ZNF407: variants seen among roughly 807,000 people sequenced by gnomAD.
ZNF407 encodes zinc finger protein 407.
Under a neutral mutation model 131.2 loss-of-function variants are expected in ZNF407, and 17 were observed. The observed-to-expected ratio is 0.13, with a 90% confidence interval of 0.09 to 0.19. ZNF407 has a LOEUF of 0.19. Ranked by LOEUF, ZNF407 falls within the 10% of genes least tolerant of loss-of-function variation. ZNF407 has a pLI of 1.00. For missense variants in ZNF407, 2,681 were observed against 2,830.6 expected (o/e 0.95, Z 1.20); for synonymous variants, 1,156 against 1,062.0 (o/e 1.09, Z -1.72).
At chr18:74,668,120 A>G (rs1041317164) in intron 3 of ZNF407, among the ~76,000 whole-genome samples, 7 of 152,210 alleles carry the variant, frequency 4.6e-5, no homozygotes, top group African/African-American at 1.7e-4. Context: ...AAGGTTTCTG[A>G]GTGCCAATAT....
chr18:74,746,503 C>T (rs1046214309), intron 3 of ZNF407, among the ~76,000 whole-genome samples: 5 of 151,954 alleles, frequency 3.3e-5, no homozygotes, highest in African/African-American at 1.2e-4. Context: ...AATGTATTTT[C>T]TTATATCCAT....
chr18:74,927,379 G>T (rs545720838), intron 8 of ZNF407, among the ~76,000 whole-genome samples: 1 of 152,152 alleles, frequency 6.6e-6, no homozygotes, highest in Non-Finnish European at 1.5e-5. Context: ...AGCTTTAAGA[G>T]TTCAAATAAT....
intron 3 of ZNF407, among the ~76,000 whole-genome samples, chr18:74,731,462 C>A (rs1356781070): frequency 6.6e-6 from 1 of 152,064 alleles, no homozygotes; most frequent in Non-Finnish European, 1.5e-5. Flanking sequence ...AAAAAGTGAA[C>A]AAAAACAATT....
chr18:74,789,197 A>G (rs1969778530), intron 4 of ZNF407, among the ~76,000 whole-genome samples: 1 of 152,106 alleles, frequency 6.6e-6, no homozygotes, highest in Non-Finnish European at 1.5e-5. Context: ...GAGAGGTACT[A>G]CTTTAGGATG....
chr18:74,957,002 C>T (rs1424939834), intron 8 of ZNF407, among the ~76,000 whole-genome samples: 2 of 152,144 alleles, frequency 1.3e-5, no homozygotes, highest in Non-Finnish European at 2.9e-5. Flanking sequence ...AGAAAAGCTA[C>T]TTGTGAAGCC....
Position 75,063,983 on chromosome 18 carries a change from G to T in ZNF407, c.6262G>T (p.Val2088Leu). The T allele has an allele frequency of 1.7e-5, 27 of 1,613,306 alleles. No individual in the cohort carries two copies. Among genetic ancestry groups the T allele is most frequent in the Non-Finnish European group, 2.2e-5 (26 of 1,179,736 alleles). ...GGTCCAGGGCGTCCTCCAGTTTGCTGTGTGTGACACGGCCGCGGCCGGCCA... is the reference window on the plus strand; with the variant it reads ...GGTCCAGGGCGTCCTCCAGTTTGCTTTGTGTGACACGGCCGCGGCCGGCCA... ...KMVQGVLQFAVCDTAAAGQLV... is the reference protein window; with the variant it reads ...KMVQGVLQFALCDTAAAGQLV... Residue 2088 changes from valine to leucine, a missense_variant, in exon 9 of 9, where the codon GTG becomes TTG. Around this residue, in one of 6 missense-constraint regions of ZNF407, gnomAD observed 620 missense variants for 583.1 expected, o/e 1.06. Transcript: ENST00000299687. This position sits in a 1 kb window ranked among gnomAD's most constrained non-coding sequence, Gnocchi z 6.6.
At chr18:74,821,494 C>A (rs1394268612) in intron 4 of ZNF407, among the ~76,000 whole-genome samples, 1 of 151,642 alleles carries the variant, frequency 6.6e-6, no homozygotes, top group Admixed American at 6.6e-5. Context: ...TTGTTCAACT[C>A]CCACTTATGA....
At position 74,988,179 on chromosome 18, in the gene ZNF407, A is replaced by T. The variant is rs564341639; in HGVS notation, c.5428+67487A>T. On this transcript the variant is annotated intron_variant, in intron 8 of 8. Coordinates refer to ENST00000299687, the MANE Select transcript of ZNF407 (RefSeq NM_017757.3). ...CAAGGAGGAAGGAATGATCTTTTTAATTAACGGTTCTGAAATATTATATAT... is the reference window on the plus strand; with the variant it reads ...CAAGGAGGAAGGAATGATCTTTTTATTTAACGGTTCTGAAATATTATATAT... Among the ~76,000 whole-genome samples the T allele has an allele frequency of 4.6e-5, 7 of 152,360 alleles. No individual in the cohort carries two copies. The East Asian group carries it at 1.3e-3, about 29-fold the overall frequency.
At chr18:74,969,653 C>A (rs1272464453) in intron 8 of ZNF407, among the ~76,000 whole-genome samples, 1 of 152,152 alleles carries the variant, frequency 6.6e-6, no homozygotes, top group Non-Finnish European at 1.5e-5. Flanking sequence ...ACCTGGCCAC[C>A]TTCGTGTCAC....
chr18:74,709,918 A>G (rs1023925049), intron 3 of ZNF407, among the ~76,000 whole-genome samples: 7 of 152,238 alleles, frequency 4.6e-5, no homozygotes, highest in African/African-American at 7.2e-5. Flanking sequence ...AAGTTTTTAC[A>G]TTATATTACA....
intron 8 of ZNF407, among the ~76,000 whole-genome samples, chr18:74,989,150 T>TAAC (rs1189329722): frequency 6.6e-6 from 1 of 152,196 alleles, no homozygotes; most frequent in African/African-American, 2.4e-5. Context: ...AGGCCTGAAC[T>TAAC]AACAACATGG....
intron 4 of ZNF407, among the ~76,000 whole-genome samples, chr18:74,860,209 A>G (rs1970917822): frequency 6.6e-6 from 1 of 152,022 alleles, no homozygotes; most frequent in South Asian, 2.1e-4. Flanking sequence ...CAGAAGGAGG[A>G]TCCCTTGAGC....
At chr18:74,776,309 ATGTC>A (rs1461184061) in intron 3 of ZNF407, among the ~76,000 whole-genome samples, 1 of 152,174 alleles carries the variant, frequency 6.6e-6, no homozygotes, top group Non-Finnish European at 1.5e-5. Context: ...TAAGCAATAA[ATGTC>A]TGTTCTTTAT....
intron 4 of ZNF407, among the ~76,000 whole-genome samples, chr18:74,812,636 T>C (rs1251368682): frequency 1.3e-5 from 2 of 151,944 alleles, no homozygotes; most frequent in Non-Finnish European, 2.9e-5. Context: ...AATGTAGGGG[T>C]TGTTGTTTTT....
chr18:74,940,766 T>C (rs1323839804), intron 8 of ZNF407, among the ~76,000 whole-genome samples: 1 of 152,180 alleles, frequency 6.6e-6, no homozygotes, highest in Non-Finnish European at 1.5e-5. Flanking sequence ...GGCGCACAGC[T>C]TGGTGAAGCG....
intron 1 of ZNF407, among the ~76,000 whole-genome samples, chr18:74,598,786 G>A (rs2144595872): frequency 6.6e-6 from 1 of 152,384 alleles, no homozygotes; most frequent in South Asian, 2.1e-4. Flanking sequence ...AGCACGCCCT[G>A]GGTGCTTGGC....
chr18:74,649,417 T>C (rs958590039), intron 3 of ZNF407, among the ~76,000 whole-genome samples: 6 of 152,222 alleles, frequency 3.9e-5, no homozygotes, highest in African/African-American at 1.2e-4. Flanking sequence ...CTGGTAATTA[T>C]CATTATAATA....
intron 3 of ZNF407, among the ~76,000 whole-genome samples, chr18:74,661,961 A>G (rs1405350632): frequency 1.3e-5 from 2 of 150,892 alleles, no homozygotes; most frequent in Non-Finnish European, 1.5e-5. Flanking sequence ...CTGTCTCCTC[A>G]GTTGTGGGAC....
chr18:74,945,928 C>G (rs1311328025), intron 8 of ZNF407, among the ~76,000 whole-genome samples: 4 of 152,300 alleles, frequency 2.6e-5, no homozygotes, highest in Admixed American at 6.5e-5. Flanking sequence ...ACTGATCACC[C>G]TTAAAACTGT....
Sources: allele counts gnomAD v4.1 joint callset (sites outside exome capture counted in the v4.1 genomes callset), GRCh38; gene constraint gnomAD v4.1.1; regional missense constraint gnomAD v4.1.1; non-coding constraint Gnocchi (gnomAD v3.1); transcripts MANE v1.5; gene names NCBI Gene and HGNC (gene_info 2026-07-23, HGNC 2026-07-21).